The following BTAF1 variants were observed in gnomAD, a reference collection of about 807,000 sequenced individuals.
The protein encoded by BTAF1 is B-TFIID TATA-box binding protein associated factor 1, also known as TATA-binding protein-associated factor 172.
In BTAF1, 38 loss-of-function variants were observed where a neutral mutation model predicts 227.1. That is an observed-to-expected ratio of 0.17 (90% CI 0.13 to 0.22). The LOEUF (loss-of-function observed/expected upper bound fraction) is 0.22, where lower values mean the gene tolerates loss of function less well. Among genes scored for constraint, BTAF1 ranks in the 10% least tolerant of loss-of-function variants. The probability of loss-of-function intolerance (pLI) is 1.00; values close to 1 mark genes in which losing one functional copy is unlikely to be tolerated. For missense variants in BTAF1, 1,598 were observed against 2,204.0 expected (o/e 0.73, Z 5.51); for synonymous variants, 742 against 751.9 (o/e 0.99, Z 0.21).
intron 37 of BTAF1, among the ~76,000 whole-genome samples, chr10:92,028,540 T>TGG (rs2134195943): frequency 6.6e-6 from 1 of 152,276 alleles, no homozygotes; most frequent in South Asian, 2.1e-4. Context: ...CATATATAAA[T>TGG]GGGGAGAGAG....
chr10:92,009,084 C>T lies in BTAF1; in HGVS notation c.3979C>T (p.Leu1327Phe). Residue 1327 changes from leucine to phenylalanine, a missense_variant, in exon 28 of 38, where the codon CTT (leucine) becomes TTT (phenylalanine). Leu to Phe is a conservative substitution (Grantham distance 22). Coordinates refer to ENST00000265990, the MANE Select transcript of BTAF1 (RefSeq NM_003972.3). ...ATCAAAATTAGCAGAATGTATGCCACTTCCTTCCTTAGTGGTTTGTCCGCC... is the reference window on the plus strand; with the variant it reads ...ATCAAAATTAGCAGAATGTATGCCATTTCCTTCCTTAGTGGTTTGTCCGCC... ...ARSKLAECMPLPSLVVCPPTL... is the reference protein window; with the variant it reads ...ARSKLAECMPFPSLVVCPPTL... 1.2e-6 allele frequency: 2 copies of T among 1,614,146 alleles called. No individual in the cohort carries two copies. Among genetic ancestry groups the T allele is most frequent in the Non-Finnish European group, 1.7e-6 (2 of 1,179,994 alleles).
chr10:91,940,676 ATTTAT>A (rs749115078), intron 3 of BTAF1, among the ~76,000 whole-genome samples: 3 of 151,586 alleles, frequency 2.0e-5, no homozygotes, highest in Non-Finnish European at 4.4e-5. Context: ...GTTTTATTTT[ATTTAT>A]TTTATTTTAT....
chr10:91,923,838 G>C lies in BTAF1; in HGVS notation c.-239G>C, dbSNP rs1031438188. The C allele has an allele frequency of 2.4e-5, 11 of 449,978 alleles. No homozygotes were observed. Among genetic ancestry groups the C allele is most frequent in the East Asian group, 1.4e-4 (4 of 27,804 alleles). 27.9% of individuals were successfully genotyped at this position (449,978 alleles called of 1,614,324 possible). A position where few individuals can be genotyped will look rare whatever the true frequency, so the allele number is the denominator to read the frequency against. On this transcript the variant is annotated 5_prime_UTR_variant, in exon 1 of 38. Coordinates refer to ENST00000265990, the MANE Select transcript of BTAF1 (RefSeq NM_003972.3). ...GGGTACCCGGTTTGAAGTCGTGCGG[G>C]TCGGAGGACTGCCGCCTCCGCTACC...
At chr10:91,966,394 T>C (rs1846915827) in intron 13 of BTAF1, among the ~76,000 whole-genome samples, 1 of 152,208 alleles carries the variant, frequency 6.6e-6, no homozygotes, top group Non-Finnish European at 1.5e-5. Flanking sequence ...AAGAACCTGA[T>C]GTTAGTATTT....
chr10:91,983,994 GTTC>G lies in BTAF1; in HGVS notation c.2224-205_2224-203del, dbSNP rs770245139. ...GAAGTTGTAATAGTTCTGTGTGCAT[GTTC>G]TGTAGTCATTCATGTTAAAATTTTA... On this transcript the variant is annotated intron_variant, in intron 18 of 37. Coordinates refer to ENST00000265990, the MANE Select transcript of BTAF1 (RefSeq NM_003972.3). Among the ~76,000 whole-genome samples, 8 of 151,756 alleles carry G rather than the reference GTTC, an allele frequency of 5.3e-5. No individual in the cohort carries two copies. The South Asian group carries it at 1.7e-3, about 31-fold the overall frequency.
chr10:92,023,707 G>T (rs534567215), intron 34 of BTAF1, among the ~76,000 whole-genome samples: 64 of 151,764 alleles, frequency 4.2e-4, no homozygotes, highest in African/African-American at 1.4e-3. Flanking sequence ...CTTAGATTTT[G>T]TTTTTGCAAC....
Position 92,009,143 on chromosome 10 carries a change from T to A in BTAF1, c.4038T>A (p.Gly1346=), listed in dbSNP as rs1271774962. ...CAGGCCATTGGGTGGATGAAGTAGG[T>A]AAATTTTGCTCTAGAGAATATCTCA... The part of the protein sequence containing the change: ...TLTGHWVDEV[G]KFCSREYLNP... Residue 1346 remains glycine, a synonymous_variant, in exon 28 of 38, where the codon GGT becomes GGA. Transcript: ENST00000265990. 6.2e-7 allele frequency: 1 copy of A among 1,614,022 alleles called. No individual in the cohort carries two copies. Among genetic ancestry groups the A allele is most frequent in the African/African-American group, 1.3e-5 (1 of 74,934 alleles).
intron 19 of BTAF1, among the ~76,000 whole-genome samples, chr10:91,987,058 C>T (rs1445052035): frequency 1.3e-5 from 2 of 149,796 alleles, no homozygotes; most frequent in Non-Finnish European, 3.0e-5. Context: ...TTCTTTTAGG[C>T]ATTTTTACTT....
At chr10:91,980,346 A>G (rs1007953043) in intron 14 of BTAF1, 108 bp from the exon 15 acceptor site, 12 of 777,798 alleles carry the variant, frequency 1.5e-5, no homozygotes, top group East Asian at 7.8e-5. Context: ...TAATGAAACC[A>G]TGCAGTCTTT....
chr10:92,019,404 CT>C (rs1240363881), intron 34 of BTAF1, among the ~76,000 whole-genome samples: 1 of 152,212 alleles, frequency 6.6e-6, no homozygotes, highest in East Asian at 1.9e-4. Context: ...TCATCCATTT[CT>C]GTGTCAGTGG....
chr10:92,004,001 C>T (rs1849719123), intron 25 of BTAF1, among the ~76,000 whole-genome samples: 1 of 152,024 alleles, frequency 6.6e-6, no homozygotes, highest in Admixed American at 6.5e-5. Context: ...TTATGTTGAG[C>T]ATTTTTTCAT....
chr10:91,940,643 CTTTTA>C lies in BTAF1; in HGVS notation c.253+590_253+594del, dbSNP rs766116073. On this transcript the variant is annotated intron_variant, in intron 3 of 37. Transcript: ENST00000265990. ...TACAACTAGATTCGTTTTCAACTGA[CTTTTA>C]TTTTATTTTATTATTTTGTTTTATT... Among the ~76,000 whole-genome samples, 62 of 151,864 alleles carry C rather than the reference CTTTTA, an allele frequency of 4.1e-4. 1 individual carries two copies. The highest frequency in any genetic ancestry group is 1.2e-3 in the African/African-American group (51 of 41,502).
At chr10:91,935,609 T>C in intron 1 of BTAF1, 48 bp from the exon 2 acceptor site, 2 of 1,599,506 alleles carry the variant, frequency 1.3e-6, no homozygotes, top group Non-Finnish European at 1.7e-6. Flanking sequence ...AACTTGTACA[T>C]ACGAGGAAAA....
At chr10:92,004,586 G>C (rs1849754967) in intron 25 of BTAF1, among the ~76,000 whole-genome samples, 1 of 152,054 alleles carries the variant, frequency 6.6e-6, no homozygotes, top group Non-Finnish European at 1.5e-5. Context: ...TTCCACCCCA[G>C]CCTCCCAAGT....
rs758912615 is a variant in BTAF1 at position 91,981,700 on chromosome 10, C to T, written c.1813C>T (p.Pro605Ser). Reference protein sequence around the residue: ...SVQYVVAAACPWMGAWLCLMM... With the variant: ...SVQYVVAAACSWMGAWLCLMM... ...TCAGTATGTGGTAGCAGCTGCTTGC[C>T]CATGGATGGGTGCTTGGCTTTGCTT... is the stretch of plus-strand genomic sequence containing the variant. The change falls in exon 16 of 38, where the codon CCA becomes TCA. Residue 605 changes from proline (P) to serine (S), a missense_variant. Pro to Ser is a moderately conservative substitution (Grantham distance 74). This residue lies in a region of BTAF1 where 318 missense variants were observed against 435.0 expected (regional missense o/e 0.73). Transcript: ENST00000265990. 8.7e-6 allele frequency: 14 copies of T among 1,613,718 alleles called. No individual in the cohort carries two copies. Among genetic ancestry groups the T allele is most frequent in the East Asian group, 2.2e-5 (1 of 44,852 alleles).
In BTAF1 at chr10:92,027,172, T is replaced by C. The variant is rs1416105722; in HGVS notation, c.5278T>C (p.Leu1760=). 4 of 1,613,664 alleles carry C rather than the reference T, an allele frequency of 2.5e-6. No homozygotes were observed. In the South Asian group the frequency reaches 3.3e-5, roughly 13 times the overall value. The change falls in exon 37 of 38, where the codon TTG becomes CTG. Residue 1760 remains leucine (L), a synonymous_variant. Transcript: ENST00000265990. ...ATACCGATTGATAACCAGAGGAACATTGGAAGAAAAAATAATGGGGTTGCA... is the reference window on the plus strand; with the variant it reads ...ATACCGATTGATAACCAGAGGAACACTGGAAGAAAAAATAATGGGGTTGCA... ...NVYRLITRGT[L]EEKIMGLQKF...
intron 5 of BTAF1, among the ~76,000 whole-genome samples, chr10:91,952,180 G>GTGTA (rs1564667867): frequency 1.4e-5 from 2 of 143,136 alleles, no homozygotes; most frequent in Non-Finnish European, 3.0e-5. Context: ...GTGTGTGTGT[G>GTGTA]TATATATATA....
intron 18 of BTAF1, among the ~76,000 whole-genome samples, chr10:91,983,594 A>G (rs1445170534): frequency 6.6e-6 from 1 of 152,178 alleles, no homozygotes; most frequent in African/African-American, 2.4e-5. Context: ...AAGTGTTGAC[A>G]GTTAGGTTTC....
intron 20 of BTAF1, among the ~76,000 whole-genome samples, chr10:91,990,945 A>T (rs1192759997): frequency 1.3e-5 from 2 of 151,044 alleles, no homozygotes; most frequent in Non-Finnish European, 3.0e-5. Flanking sequence ...CATCTCTACT[A>T]AAAAAATATA....
Sources: gnomAD v4.1 joint callset for allele counts (sites outside exome capture counted in the v4.1 genomes callset) on GRCh38, gnomAD v4.1.1 for gene constraint, gnomAD v4.1.1 regional missense constraint, MANE v1.5 for transcripts, NCBI Gene and HGNC (gene_info 2026-07-23, HGNC 2026-07-21) for gene names.